RCOR1: variants seen among roughly 807,000 people sequenced by gnomAD.
RCOR1 encodes the protein REST corepressor.
A neutral mutation model predicts 64.0 loss-of-function variants in RCOR1; 12 were observed. The ratio of observed to expected loss-of-function variants is 0.19; its 90% CI spans 0.12 to 0.30. The LOEUF (loss-of-function observed/expected upper bound fraction) is 0.30, where lower values mean the gene tolerates loss of function less well. RCOR1 is among the 10% of genes least tolerant of loss of function. The pLI, the probability that RCOR1 is intolerant of heterozygous loss-of-function variation, is 1.00. For missense variants in RCOR1, 502 were observed against 621.2 expected (o/e 0.81, Z 2.04); for synonymous variants, 279 against 227.2 (o/e 1.23, Z -2.05).
At chr14:102,619,433 A>G (rs988461246) in intron 2 of RCOR1, among the ~76,000 whole-genome samples, 12 of 145,672 alleles carry the variant, frequency 8.2e-5, no homozygotes, top group Non-Finnish European at 1.6e-4. Context: ...GCCTCTATCT[A>G]TCTATCTGTC....
intron 2 of RCOR1, among the ~76,000 whole-genome samples, chr14:102,644,500 C>A (rs967251695): frequency 1.3e-5 from 2 of 152,168 alleles, no homozygotes; most frequent in Non-Finnish European, 2.9e-5. Flanking sequence ...CACAATAATT[C>A]ACATTCCTCC....
intron 7 of RCOR1, among the ~76,000 whole-genome samples, chr14:102,712,082 C>CT (rs1156897063): frequency 6.6e-6 from 1 of 152,008 alleles, no homozygotes; most frequent in Non-Finnish European, 1.5e-5. Context: ...CACCATGACT[C>CT]ACTGCAGCCG....
At chr14:102,621,208 G>A (rs1276438993) in intron 2 of RCOR1, among the ~76,000 whole-genome samples, 2 of 151,964 alleles carry the variant, frequency 1.3e-5, no homozygotes, top group East Asian at 3.8e-4. Context: ...CTGGCCTCAA[G>A]TGATCCTCTC....
chr14:102,642,659 G>T (rs572854559), intron 2 of RCOR1, among the ~76,000 whole-genome samples: 2 of 152,202 alleles, frequency 1.3e-5, no homozygotes, highest in South Asian at 4.1e-4. Context: ...AACAAAGTGA[G>T]ACCTCGTCTC....
intron 2 of RCOR1, among the ~76,000 whole-genome samples, chr14:102,670,592 T>C (rs1037466787): frequency 2.6e-5 from 4 of 152,000 alleles, no homozygotes; most frequent in African/African-American, 9.7e-5. Context: ...AGCATTTAAT[T>C]CATAGCTTAT....
At chr14:102,619,463 TCTATC>T (rs1320525259) in intron 2 of RCOR1, among the ~76,000 whole-genome samples, 1 of 150,262 alleles carries the variant, frequency 6.7e-6, no homozygotes, top group Admixed American at 6.7e-5. Flanking sequence ...ATCTATCTAT[TCTATC>T]TAATCTTTTT....
intron 3 of RCOR1, among the ~76,000 whole-genome samples, chr14:102,696,985 C>G (rs536457049): frequency 6.6e-6 from 1 of 151,712 alleles, no homozygotes; most frequent in South Asian, 2.1e-4. Flanking sequence ...TGTAAAGGAA[C>G]AGGGTAGGTG....
At chr14:102,614,799 A>G (rs1032371501) in intron 2 of RCOR1, among the ~76,000 whole-genome samples, 5 of 152,142 alleles carry the variant, frequency 3.3e-5, no homozygotes, top group African/African-American at 4.8e-5. Context: ...CAGGAAAAGC[A>G]TATAAAAAAC....
At chr14:102,600,466 A>T (rs1055391627) in intron 2 of RCOR1, among the ~76,000 whole-genome samples, 13 of 151,484 alleles carry the variant, frequency 8.6e-5, no homozygotes, top group Admixed American at 7.2e-4. Context: ...CAATGGTGTG[A>T]CCTTGGCTCA....
At chr14:102,668,637 G>T (rs1328318273) in intron 2 of RCOR1, among the ~76,000 whole-genome samples, 1 of 151,994 alleles carries the variant, frequency 6.6e-6, no homozygotes, top group Non-Finnish European at 1.5e-5. Context: ...CTTTTTTGCA[G>T]GGGGGCGGGG....
At chr14:102,659,215 A>G (rs1243575387) in intron 2 of RCOR1, 1 of 984,994 alleles carries the variant, frequency 1.0e-6, no homozygotes, top group Admixed American at 6.2e-5. Flanking sequence ...AATTACTGCA[A>G]TTTTATATTT....
intron 4 of RCOR1, among the ~76,000 whole-genome samples, chr14:102,706,142 A>AAAAAAAAAC (rs1281591870): frequency 7.2e-6 from 1 of 138,532 alleles, no homozygotes; most frequent in African/African-American, 2.7e-5. Context: ...AAAAAAAAAA[A>AAAAAAAAAC]CCTAAAAAAA....
At chr14:102,601,931 G>A (rs1047245730) in intron 2 of RCOR1, among the ~76,000 whole-genome samples, 5 of 152,162 alleles carry the variant, frequency 3.3e-5, no homozygotes, top group Non-Finnish European at 7.3e-5. Flanking sequence ...GGGTGAGGCG[G>A]GAGGATCACC....
chr14:102,623,390 A>T (rs897749423), intron 2 of RCOR1, among the ~76,000 whole-genome samples: 1,456 of 116,624 alleles, frequency 0.012, 21 homozygotes, highest in African/African-American at 0.065. Flanking sequence ...TTTATTTATT[A>T]TTTATTTATT....
chr14:102,606,373 C>A (rs1021319706), intron 2 of RCOR1, among the ~76,000 whole-genome samples: 2 of 151,792 alleles, frequency 1.3e-5, no homozygotes, highest in African/African-American at 4.8e-5. Flanking sequence ...TATTTACACC[C>A]ATACTCTCCC....
chr14:102,634,676 A>G (rs1894199098), intron 2 of RCOR1, among the ~76,000 whole-genome samples: 1 of 150,704 alleles, frequency 6.6e-6, no homozygotes, highest in African/African-American at 2.4e-5. Context: ...ACACACACGT[A>G]CATACATATA....
intron 3 of RCOR1, among the ~76,000 whole-genome samples, chr14:102,700,928 T>A (rs1435262595): frequency 6.6e-6 from 1 of 152,142 alleles, no homozygotes; most frequent in African/African-American, 2.4e-5. Flanking sequence ...CTTACAATCA[T>A]GGTAGAAAGC....
intron 2 of RCOR1, among the ~76,000 whole-genome samples, chr14:102,670,621 A>G (rs1895013533): frequency 6.6e-6 from 1 of 151,916 alleles, no homozygotes; most frequent in Admixed American, 6.6e-5. Flanking sequence ...TCCTGTTTTC[A>G]TACCTCTTCC....
Position 102,632,707 on chromosome 14 carries a change from CT to C in RCOR1, c.361+39386del, listed in dbSNP as rs1377505717. On this transcript the variant is annotated intron_variant, in intron 2 of 11. Transcript: ENST00000262241. Reference sequence around the variant, plus strand: ...TTCCTTTTCCTTTTCCTTTCCTTTCCTTTTCCTTTCCTTTCCTTTCTTCTCC... The same window carrying C: ...TTCCTTTTCCTTTTCCTTTCCTTTCCTTTCCTTTCCTTTCCTTTCTTCTCC... Among the ~76,000 whole-genome samples the C allele has an allele frequency of 5.1e-4, 58 of 113,488 alleles. 1 individual carries two copies. Among genetic ancestry groups the C allele is most frequent in the Middle Eastern group, 9.3e-3 (2 of 214 alleles). The allele number at this position is 113,488 out of a possible 152,430, so 74.5% of individuals were successfully genotyped here.
Sources: gnomAD v4.1 joint callset for allele counts (sites outside exome capture counted in the v4.1 genomes callset) on GRCh38, gnomAD v4.1.1 for gene constraint, MANE v1.5 for transcripts, NCBI Gene and HGNC (gene_info 2026-07-23, HGNC 2026-07-21) for gene names.